Variants in APPL1 observed in about 807,000 individuals in gnomAD.
The protein encoded by APPL1 is DCC-interacting protein 13-alpha.
A neutral mutation model predicts 106.8 loss-of-function variants in APPL1; 42 were observed. The ratio of observed to expected loss-of-function variants is 0.39; its 90% CI spans 0.31 to 0.51. The LOEUF (loss-of-function observed/expected upper bound fraction) is 0.51. APPL1 is among the 20% of genes least tolerant of loss of function. APPL1 has a pLI of 0.75. For missense variants in APPL1, 769 were observed against 858.2 expected, an observed-to-expected ratio of 0.90 and a Z score of 1.30; for synonymous variants, 263 against 281.8, an observed-to-expected ratio of 0.93 and a Z score of 0.67.
chr3:57,229,776 C>T (rs1252138035), intron 1 of APPL1, among the ~76,000 whole-genome samples: 2 of 132,616 alleles, frequency 1.5e-5, no homozygotes, highest in Non-Finnish European at 3.1e-5. Context: ...TGCAATGTTG[C>T]AATCTTGGCT....
intron 7 of APPL1, among the ~76,000 whole-genome samples, chr3:57,245,650 C>G (rs144591626): frequency 6.6e-6 from 1 of 151,756 alleles, no homozygotes; most frequent in African/African-American, 2.4e-5. Context: ...TGAAGCTATT[C>G]TCATGCCTCG....
intron 5 of APPL1, among the ~76,000 whole-genome samples, chr3:57,241,116 C>T (rs568801671): frequency 2.6e-5 from 4 of 152,188 alleles, no homozygotes; most frequent in South Asian, 4.2e-4. Context: ...AGATTATGAG[C>T]AAAGGAGAAG....
At chr3:57,245,314 G>A (rs147283132) in intron 7 of APPL1, among the ~76,000 whole-genome samples, 4 of 152,140 alleles carry the variant, frequency 2.6e-5, no homozygotes, top group Admixed American at 1.3e-4. Flanking sequence ...GGGAGCACAC[G>A]TATTTCAAGT....
At chr3:57,234,523 C>T (rs942804624) in intron 1 of APPL1, among the ~76,000 whole-genome samples, 4 of 152,036 alleles carry the variant, frequency 2.6e-5, no homozygotes, top group Non-Finnish European at 5.9e-5. Flanking sequence ...TGGTCTCAAT[C>T]TCCTGACCTC....
intron 11 of APPL1, among the ~76,000 whole-genome samples, chr3:57,251,500 G>A (rs2060804361): frequency 1.3e-5 from 2 of 150,330 alleles, no homozygotes; most frequent in Non-Finnish European, 3.0e-5. Context: ...ACTTCAGCCT[G>A]GGTGACAGAG....
chr3:57,233,119 T>G (rs1326969386), intron 1 of APPL1, among the ~76,000 whole-genome samples: 2 of 152,220 alleles, frequency 1.3e-5, no homozygotes, highest in Non-Finnish European at 2.9e-5. Flanking sequence ...ATGAGAGCTG[T>G]ATATGATAAA....
At chr3:57,261,885 C>T (rs1225177313) in intron 19 of APPL1, among the ~76,000 whole-genome samples, 1 of 152,102 alleles carries the variant, frequency 6.6e-6, no homozygotes, top group East Asian at 1.9e-4. Context: ...ATGTTCCCAC[C>T]AACAGTGTAT....
Position 57,242,837 on chromosome 3 carries a change from A to G in APPL1, c.416-19A>G, listed in dbSNP as rs1193728631. ...TGAAAAGTACTGTTGTATTGTTAAC[A>G]CTCATTTCTTTTTTCCAGATCATGA... is the stretch of plus-strand genomic sequence containing the variant. On this transcript the variant is annotated intron_variant, in intron 6 of 21. Transcript: ENST00000288266. The G allele has an allele frequency of 6.9e-6, 11 of 1,588,694 alleles. No individual in the cohort carries two copies. The highest frequency in any genetic ancestry group is 9.5e-6 in the Non-Finnish European group (11 of 1,157,608).
At position 57,260,780 on chromosome 3, in the gene APPL1, T is replaced by C; in HGVS notation, c.1842+6T>C. On this transcript the variant is annotated splice_donor_region_variant and intron_variant, in intron 19 of 21. Coordinates refer to ENST00000288266, the MANE Select transcript of APPL1 (RefSeq NM_012096.3). ...CAAACAATGAGGGGGAAAAGGTACA[T>C]GGCTTTTCAGAATATCTCTGTCATA... 1 of 1,601,796 alleles carries C rather than the reference T, an allele frequency of 6.2e-7. No individual in the cohort carries two copies. Among genetic ancestry groups the C allele is most frequent in the Non-Finnish European group, 8.5e-7 (1 of 1,173,026 alleles).
chr3:57,258,146 C>G (rs1366074169), intron 15 of APPL1, among the ~76,000 whole-genome samples: 1 of 152,132 alleles, frequency 6.6e-6, no homozygotes, highest in Non-Finnish European at 1.5e-5. Flanking sequence ...ACTTAGCTCT[C>G]TGCTTCCAAA....
At chr3:57,241,377 A>G (rs948773826) in intron 5 of APPL1, among the ~76,000 whole-genome samples, 1 of 152,188 alleles carries the variant, frequency 6.6e-6, no homozygotes, top group African/African-American at 2.4e-5. Flanking sequence ...TAGGATTACT[A>G]GGTGATACAA....
intron 6 of APPL1, 117 bp downstream of exon 6, chr3:57,242,259 ATTAC>A: frequency 1.3e-6 from 1 of 744,274 alleles, no homozygotes; most frequent in Non-Finnish European, 2.1e-6. Context: ...ATAAGTGAAC[ATTAC>A]TTAAATCAGT....
chr3:57,260,230 GATCCTGTAT>G, intron 18 of APPL1, 77 bp downstream of exon 18: 1 of 1,425,938 alleles, frequency 7.0e-7, no homozygotes, highest in South Asian at 1.3e-5. Context: ...TAATAATCCT[GATCCTGTAT>G]ATTCAAGTGT....
chr3:57,229,792 C>T (rs1193255698), intron 1 of APPL1, among the ~76,000 whole-genome samples: 1 of 148,420 alleles, frequency 6.7e-6, no homozygotes, highest in Non-Finnish European at 1.5e-5. Context: ...TGGCTCACTG[C>T]AACCTCTGCC....
At chr3:57,259,748 G>T in intron 16 of APPL1, 97 bp from the exon 17 acceptor site, 1 of 1,034,946 alleles carries the variant, frequency 9.7e-7, no homozygotes. Flanking sequence ...AGGAGGCAGT[G>T]TATTTTATTC....
intron 10 of APPL1, 40 bp from the exon 11 acceptor site, chr3:57,249,320 T>C (rs2060790924): frequency 6.2e-7 from 1 of 1,605,172 alleles, no homozygotes; most frequent in African/African-American, 1.3e-5. Flanking sequence ...AGATTTCAGG[T>C]ATGTTGTTAT....
In APPL1 at chr3:57,259,094, G is replaced by A; in HGVS notation, c.1483+14G>A. The A allele has an allele frequency of 6.2e-7, 1 of 1,604,446 alleles. No individual in the cohort carries two copies. Among genetic ancestry groups the A allele is most frequent in the South Asian group, 1.1e-5 (1 of 89,994 alleles). On this transcript the variant is annotated intron_variant, in intron 16 of 21. Coordinates refer to ENST00000288266, the MANE Select transcript of APPL1 (RefSeq NM_012096.3). ...CTGAAACTGAAGGTAAGACAGATGT[G>A]CAGCATTCATATATTTTAGAACTGC...
chr3:57,238,318 T>G, intron 4 of APPL1: 1 of 496,378 alleles, frequency 2.0e-6, no homozygotes, highest in East Asian at 3.3e-5. Context: ...CTTACAGATG[T>G]GCTTCTTCTA....
Position 57,270,534 on chromosome 3 carries a change from G to A in APPL1, c.*847G>A, listed in dbSNP as rs1292133144. On this transcript the variant is annotated 3_prime_UTR_variant, in exon 22 of 22. Transcript: ENST00000288266. ...TATGGAATGATACATTGTATTTTCT[G>A]CATTGTGTGAAATAGTTTTTATTGA... 6.6e-6 allele frequency: 1 copy of A among 152,598 alleles called. No homozygotes were observed. The highest frequency in any genetic ancestry group is 1.5e-5 in the Non-Finnish European group (1 of 68,022). 9.5% of individuals were successfully genotyped at this position (152,598 alleles called of 1,614,324 possible).
Sources: allele counts gnomAD v4.1 joint callset (sites outside exome capture counted in the v4.1 genomes callset), GRCh38; gene constraint gnomAD v4.1.1; transcripts MANE v1.5; gene names NCBI Gene and HGNC (gene_info 2026-07-23, HGNC 2026-07-21).